The following OSBPL3 variants were observed in gnomAD, a reference collection of about 807,000 sequenced individuals.
The protein encoded by OSBPL3 is oxysterol-binding protein-related protein 3.
A neutral mutation model predicts 120.1 loss-of-function variants in OSBPL3; 65 were observed. The ratio of observed to expected loss-of-function variants is 0.54; its 90% CI spans 0.44 to 0.67. The LOEUF (loss-of-function observed/expected upper bound fraction) is 0.67, where lower values mean the gene tolerates loss of function less well. Among genes scored for constraint, OSBPL3 ranks in the 30% least tolerant of loss-of-function variants. The probability of loss-of-function intolerance (pLI) is 0.00; values close to 1 mark genes in which losing one functional copy is unlikely to be tolerated. For synonymous variants in OSBPL3, 416 were observed against 402.6 expected (o/e 1.03, Z -0.40); for missense variants, 1,004 against 1,082.1 (o/e 0.93, Z 1.01).
At chr7:24,823,413 C>T (rs1211164961) in intron 16 of OSBPL3, among the ~76,000 whole-genome samples, 1 of 152,010 alleles carries the variant, frequency 6.6e-6, no homozygotes, top group Admixed American at 6.6e-5. Flanking sequence ...TTAGGGCAGC[C>T]TTGTATCTTG....
Position 24,803,560 on chromosome 7 carries a change from C to T in OSBPL3, c.2567+755G>A, listed in dbSNP as rs1235186821. Among the ~76,000 whole-genome samples the T allele has an allele frequency of 6.6e-6, 1 of 152,112 alleles. No individual in the cohort carries two copies. Among genetic ancestry groups the T allele is most frequent in the Non-Finnish European group, 1.5e-5 (1 of 68,018 alleles). The stretch of plus-strand genomic sequence containing the variant: ...GGCTGAGGCAGGTGGATCACGAGGT[C>T]AGGAGATTGAGACCATCCTGGCCAA... On this transcript the variant is annotated intron_variant, in intron 22 of 22. Transcript: ENST00000313367. The surrounding 1 kb of genome is among the most constrained non-coding windows in gnomAD (Gnocchi z 4.2).
upstream of OSBPL3, among the ~76,000 whole-genome samples, chr7:24,981,148 A>G (rs769028222): frequency 6.6e-6 from 1 of 152,118 alleles, no homozygotes; most frequent in Non-Finnish European, 1.5e-5. The surrounding 1 kb of genome is among the most constrained non-coding windows in gnomAD (Gnocchi z 7.3). Context: ...AAGAAGAGAA[A>G]ATACATATCT....
At chr7:24,949,758 G>C (rs1162977056) in intron 1 of OSBPL3, among the ~76,000 whole-genome samples, 2 of 152,130 alleles carry the variant, frequency 1.3e-5, no homozygotes, top group South Asian at 2.1e-4. Flanking sequence ...CTCAAGCAGA[G>C]GGGTACAGGG....
rs143869394 is a variant in OSBPL3, at chr7:24,928,769, T to C, written c.-149-36148A>G. 3.0e-3 allele frequency among the ~76,000 whole-genome samples: 450 copies of C among 152,348 alleles called. 2 individuals carry two copies. The highest frequency in any genetic ancestry group is 0.014 in the Middle Eastern group (4 of 294). On this transcript the variant is annotated intron_variant, in intron 1 of 22. Transcript: ENST00000313367. ...TGTATTAATGGAATCATACAGAATA[T>C]GCTCTTTTCTTTTATGGCTCCTTCA...
intron 15 of OSBPL3, among the ~76,000 whole-genome samples, chr7:24,832,509 C>CAAA (rs1191532612): frequency 0.11 from 10,447 of 95,464 alleles, 759 homozygotes; most frequent in East Asian, 0.24. Context: ...GACTCTGCCT[C>CAAA]AAAGAAAAAA....
rs980783140 is a variant in OSBPL3, at chr7:24,854,946, C to A, written c.1028-2312G>T. ...CATAGTGATACCGATGAAGGAGACA[C>A]ATGAGGATGAAAGTGATGGTGACTG... On this transcript the variant is annotated intron_variant, in intron 10 of 22. Transcript: ENST00000313367. The surrounding 1 kb of genome is among the most constrained non-coding windows in gnomAD (Gnocchi z 4.1). 1.3e-5 allele frequency among the ~76,000 whole-genome samples: 2 copies of A among 152,172 alleles called. No individual in the cohort carries two copies. The highest frequency in any genetic ancestry group is 2.9e-5 in the Non-Finnish European group (2 of 68,042).
At position 24,873,093 on chromosome 7, in the gene OSBPL3, T is replaced by C. The variant is rs1397191113; in HGVS notation, c.97-1024A>G. 6.6e-6 allele frequency among the ~76,000 whole-genome samples: 1 copy of C among 152,086 alleles called. No homozygotes were observed. The highest frequency in any genetic ancestry group is 1.5e-5 in the Non-Finnish European group (1 of 68,026). On this transcript the variant is annotated intron_variant, in intron 2 of 22. Coordinates refer to ENST00000313367, the MANE Select transcript of OSBPL3 (RefSeq NM_015550.4). The surrounding 1 kb of genome is among the most constrained non-coding windows in gnomAD (Gnocchi z 4.1). ...GACAGAAAACATTTCCAACACAGAG[T>C]AAGTTTTGACAAGCATGACACTTCA...
At chr7:24,847,396 C>T (rs557573677) in intron 12 of OSBPL3, among the ~76,000 whole-genome samples, 1 of 152,260 alleles carries the variant, frequency 6.6e-6, no homozygotes, top group South Asian at 2.1e-4. Flanking sequence ...GTGACAACTG[C>T]ATCACTGATT....
At position 24,802,272 on chromosome 7, in the gene OSBPL3, CAGTA is replaced by C. The variant is rs1792455412; in HGVS notation, c.2568-1997_2568-1994del. Reference sequence around the variant, plus strand: ...TTTCAGTGATTTTGTTGCTGTTCCTCAGTAAGTGTTAATGACAACATCCAAGTCC... The same window carrying C: ...TTTCAGTGATTTTGTTGCTGTTCCTCAGTGTTAATGACAACATCCAAGTCC... On this transcript the variant is annotated intron_variant, in intron 22 of 22. Coordinates refer to ENST00000313367, the MANE Select transcript of OSBPL3 (RefSeq NM_015550.4). This position sits in a 1 kb window ranked among gnomAD's most constrained non-coding sequence, Gnocchi z 4.1. Among the ~76,000 whole-genome samples the C allele has an allele frequency of 6.6e-6, 1 of 152,192 alleles. No homozygotes were observed. Among genetic ancestry groups the C allele is most frequent in the African/African-American group, 2.4e-5 (1 of 41,440 alleles).
At chr7:24,915,915 A>G (rs1809495468) in intron 1 of OSBPL3, among the ~76,000 whole-genome samples, 1 of 152,220 alleles carries the variant, frequency 6.6e-6, no homozygotes, top group African/African-American at 2.4e-5. Flanking sequence ...TAAAAAGACC[A>G]ATGGTTAACA....
At position 24,808,940 on chromosome 7, in the gene OSBPL3, C is replaced by G. The variant is rs1793412782; in HGVS notation, c.2317+867G>C. ...GGTATGCTGTCATGCAGGGGTATGA[C>G]ACTGAATGGTAACAACCATTTTGCA... On this transcript the variant is annotated intron_variant, in intron 20 of 22. Transcript: ENST00000313367. The surrounding 1 kb of genome is among the most constrained non-coding windows in gnomAD (Gnocchi z 4.6). Among the ~76,000 whole-genome samples the G allele has an allele frequency of 6.6e-6, 1 of 152,132 alleles. No individual in the cohort carries two copies. Among genetic ancestry groups the G allele is most frequent in the Non-Finnish European group, 1.5e-5 (1 of 68,022 alleles).
chr7:24,834,301 C>T lies in OSBPL3; in HGVS notation c.1746+185G>A. The T allele has an allele frequency of 6.9e-7, 1 of 1,438,850 alleles. No individual in the cohort carries two copies. Among genetic ancestry groups the T allele is most frequent in the Non-Finnish European group, 9.2e-7 (1 of 1,092,716 alleles). 89.1% of individuals were successfully genotyped at this position (1,438,850 alleles called of 1,614,324 possible). On this transcript the variant is annotated intron_variant, in intron 15 of 22. Coordinates refer to ENST00000313367, the MANE Select transcript of OSBPL3 (RefSeq NM_015550.4). This position sits in a 1 kb window ranked among gnomAD's most constrained non-coding sequence, Gnocchi z 5.2. ...AAGCACCCCAACCCCGTCTCCAAAT[C>T]CTCACAAGGTGACTGGAAACAGCCA...
chr7:24,845,359 G>T (rs1174283430), intron 12 of OSBPL3, among the ~76,000 whole-genome samples: 1 of 107,368 alleles, frequency 9.3e-6, no homozygotes, highest in Non-Finnish European at 1.7e-5. Context: ...ACTTTCCTGT[G>T]AATTTACAAA....
At position 24,866,104 on chromosome 7, in the gene OSBPL3, G is replaced by A. The variant is rs766573637; in HGVS notation, c.515C>T (p.Ser172Leu). 1.9e-6 allele frequency: 3 copies of A among 1,613,706 alleles called. No individual in the cohort carries two copies. In the African/African-American group the frequency reaches 4.0e-5, roughly 22 times the overall value. ...FFSGSTITDS[S>L]SGVFDSISSR... ...TGAAATGGAGTCAAACACCCCAGATGAAGAGTCTGTGATGGTGGACCCTGA... is the reference window on the plus strand; with the variant it reads ...TGAAATGGAGTCAAACACCCCAGATAAAGAGTCTGTGATGGTGGACCCTGA... The change falls in exon 6 of 23, where the codon TCA becomes TTA. Residue 172 changes from serine to leucine, a missense_variant. Transcript: ENST00000313367.
chr7:24,879,115 G>A lies in OSBPL3; in HGVS notation c.97-7046C>T, dbSNP rs1803275482. On this transcript the variant is annotated intron_variant, in intron 2 of 22. Transcript: ENST00000313367. This position sits in a 1 kb window ranked among gnomAD's most constrained non-coding sequence, Gnocchi z 5.6. ...ACATGGCTGATCTATGAAAGTCTCTGGAGTGCTCCATCAGAGGCTGGTGGT... is the reference window on the plus strand; with the variant it reads ...ACATGGCTGATCTATGAAAGTCTCTAGAGTGCTCCATCAGAGGCTGGTGGT... Among the ~76,000 whole-genome samples, 1 of 152,142 alleles carries A rather than the reference G, an allele frequency of 6.6e-6. No homozygotes were observed. Among genetic ancestry groups the A allele is most frequent in the African/African-American group, 2.4e-5 (1 of 41,438 alleles).
chr7:24,844,182 G>A (rs997215291), intron 12 of OSBPL3, among the ~76,000 whole-genome samples: 1 of 152,194 alleles, frequency 6.6e-6, no homozygotes, highest in Non-Finnish European at 1.5e-5. Context: ...TATTAACCCA[G>A]TCAGTTCAAT....
intron 1 of OSBPL3, among the ~76,000 whole-genome samples, chr7:24,951,976 T>C (rs1814497969): frequency 6.6e-6 from 1 of 152,196 alleles, no homozygotes. Context: ...AATGAGACTG[T>C]AGAGAGCTCT....
intron 14 of OSBPL3, among the ~76,000 whole-genome samples, chr7:24,838,322 C>G (rs1001768663): frequency 4.6e-5 from 7 of 152,004 alleles, no homozygotes; most frequent in East Asian, 3.9e-4. Context: ...ATGGTGAAAC[C>G]CTGTTTCTAT....
chr7:24,820,213 G>A lies in OSBPL3; in HGVS notation c.1910C>T (p.Ala637Val). The change falls in exon 17 of 23, where the codon GCG becomes GTG. Residue 637 changes from alanine to valine, a missense_variant. Physicochemically the swap from Ala to Val is moderately conservative, Grantham distance 64. This residue lies in a region of OSBPL3 where 473 missense variants were observed against 568.0 expected (regional missense o/e 0.83). Coordinates refer to ENST00000313367, the MANE Select transcript of OSBPL3 (RefSeq NM_015550.4). This position sits in a 1 kb window ranked among gnomAD's most constrained non-coding sequence, Gnocchi z 4.6. ...EQVSHHPPIS[A>V]CHAESRNFVF... is the part of the protein sequence containing the mutation. ...AAAATTTCTAGACTCAGCATGACAC[G>A]CAGAGATAGGCGGATGGTGGCTGAC... 3.1e-6 allele frequency: 5 copies of A among 1,612,214 alleles called. No homozygotes were observed. Among genetic ancestry groups the A allele is most frequent in the Non-Finnish European group, 4.2e-6 (5 of 1,178,712 alleles).
Sources: gnomAD v4.1 joint callset for allele counts (sites outside exome capture counted in the v4.1 genomes callset) on GRCh38, gnomAD v4.1.1 for gene constraint, gnomAD v4.1.1 regional missense constraint, Gnocchi (gnomAD v3.1) non-coding constraint, MANE v1.5 for transcripts, NCBI Gene and HGNC (gene_info 2026-07-23, HGNC 2026-07-21) for gene names.